SLC9A6: variants seen among roughly 807,000 people sequenced by gnomAD.
SLC9A6 encodes the protein sodium/hydrogen exchanger 6.
SLC9A6 carries 6 observed loss-of-function variants against 45.3 expected under a neutral mutation model. The ratio of observed to expected loss-of-function variants is 0.13; its 90% confidence interval spans 0.07 to 0.26. The LOEUF (loss-of-function observed/expected upper bound fraction) is 0.26. Ranked by LOEUF, SLC9A6 falls within the 10% of genes least tolerant of loss-of-function variation. SLC9A6 has a pLI of 1.00. For synonymous variants in SLC9A6, 191 were observed against 187.7 expected (o/e 1.02, Z -0.14); for missense variants, 278 against 503.7 (o/e 0.55, Z 4.29).
At chrX:136,033,605 C>T in intron 16 of SLC9A6, 112 bp downstream of exon 16, 1 of 401,621 alleles carries the variant, frequency 2.5e-6, no homozygotes, top group East Asian at 5.8e-5. Context: ...TAAAACCTAC[C>T]TTTCATCTTC....
At chrX:136,003,019 G>A (rs1488386714) in intron 7 of SLC9A6, among the ~76,000 whole-genome samples, 7 of 95,139 alleles carry the variant, frequency 7.4e-5, no homozygotes, top group Admixed American at 1.2e-4. Context: ...ACGAAGTCTC[G>A]CTCCTGTCCC....
chrX:136,002,502 T>C (rs1033098464), intron 7 of SLC9A6, among the ~76,000 whole-genome samples: 11 of 112,147 alleles, frequency 9.8e-5, no homozygotes, highest in Non-Finnish European at 2.1e-4. Context: ...TATAATTTTG[T>C]ATTCGGTTTT....
At chrX:136,010,285 G>T in intron 7 of SLC9A6, 157 bp from the exon 8 acceptor site, 1 of 496,007 alleles carries the variant, frequency 2.0e-6, no homozygotes. Context: ...CAGATACATT[G>T]CAGGATTTTT....
At chrX:135,990,019 T>C in intron 2 of SLC9A6, among the ~76,000 whole-genome samples, 1 of 112,066 alleles carries the variant, frequency 8.9e-6, no homozygotes, top group Middle Eastern at 4.6e-3. Flanking sequence ...GGAGTCTCGC[T>C]CTGTCTCCCA....
upstream of SLC9A6, chrX:135,985,416 G>A: frequency 4.6e-6 from 3 of 658,971 alleles, no homozygotes; most frequent in Non-Finnish European, 4.1e-6. Flanking sequence ...GCTACCCCCG[G>A]GCCCCGCCCC....
intron 15 of SLC9A6, among the ~76,000 whole-genome samples, chrX:136,031,392 CCCAT>C (rs1569525559): frequency 8.9e-6 from 1 of 111,831 alleles, no homozygotes; most frequent in Non-Finnish European, 1.9e-5. Context: ...CGTTTTTTTT[CCCAT>C]ACCTTCAAAA....
intron 11 of SLC9A6, among the ~76,000 whole-genome samples, chrX:136,017,679 G>C (rs782256469): frequency 3.6e-5 from 4 of 111,668 alleles, no homozygotes; most frequent in Non-Finnish European, 7.5e-5. Context: ...AGTAGGAGGT[G>C]AGATCATCTG....
chrX:136,030,018 T>G (rs1006949310), intron 14 of SLC9A6, 114 bp from the exon 15 acceptor site: 18 of 742,688 alleles, frequency 2.4e-5, no homozygotes, highest in Non-Finnish European at 3.6e-5. Context: ...CAAGAAAACA[T>G]TAACCATTCC....
intron 16 of SLC9A6, among the ~76,000 whole-genome samples, chrX:136,038,015 T>C (rs1402521056): frequency 8.9e-6 from 1 of 112,209 alleles, no homozygotes; most frequent in Non-Finnish European, 1.9e-5. Context: ...ATCCCTGTAT[T>C]TCTTTTTTGT....
chrX:136,018,745 C>T lies in SLC9A6; in HGVS notation c.1194+1987C>T, dbSNP rs782695259. On this transcript the variant is annotated intron_variant, in intron 11 of 17. Transcript: ENST00000630721. The stretch of plus-strand genomic sequence containing the variant: ...AATTTTTAAAAGAAATATTTTAAAA[C>T]CTCACATCAGAATGAAGATTCTGCC... 2.0e-4 allele frequency among the ~76,000 whole-genome samples: 22 copies of T among 109,801 alleles called. 1 individual carries two copies. In the South Asian group the frequency reaches 5.1e-3, roughly 26 times the overall value.
chrX:135,974,444 G>A (rs1278809882), upstream of SLC9A6, among the ~76,000 whole-genome samples: 2 of 60,822 alleles, frequency 3.3e-5, no homozygotes, highest in Non-Finnish European at 6.2e-5. Context: ...GTGGGACCGA[G>A]GGGGCGCGGA....
intron 6 of SLC9A6, among the ~76,000 whole-genome samples, chrX:136,000,867 C>T (rs1248803069): frequency 9.0e-6 from 1 of 111,084 alleles, no homozygotes; most frequent in African/African-American, 3.3e-5. Flanking sequence ...TGTCTTTAAT[C>T]CCAGTGACTC....
At chrX:136,005,478 C>A (rs928013094) in intron 7 of SLC9A6, among the ~76,000 whole-genome samples, 12 of 111,899 alleles carry the variant, frequency 1.1e-4, no homozygotes, top group African/African-American at 3.9e-4. Context: ...GTCAGGAGTT[C>A]GAGACCAGCC....
intron 11 of SLC9A6, among the ~76,000 whole-genome samples, chrX:136,017,140 C>T (rs1354047589): frequency 1.8e-5 from 2 of 111,281 alleles, no homozygotes; most frequent in East Asian, 5.6e-4. Flanking sequence ...CTTTCTCTTT[C>T]TCTCCCTCCC....
intron 8 of SLC9A6, among the ~76,000 whole-genome samples, chrX:136,012,492 A>G (rs1246071852): frequency 1.8e-5 from 2 of 113,084 alleles, no homozygotes; most frequent in East Asian, 5.5e-4. Flanking sequence ...CAATTTCTTC[A>G]TCATGGAATG....
At chrX:136,022,765 T>TC (rs1603213953) in intron 12 of SLC9A6, 68 bp downstream of exon 12, 3 of 585,911 alleles carry the variant, frequency 5.1e-6, no homozygotes, top group Non-Finnish European at 8.7e-6. Context: ...CAGCTTGATG[T>TC]AACACTGAGA....
chrX:136,009,704 A>G (rs2070882448), intron 7 of SLC9A6, among the ~76,000 whole-genome samples: 1 of 112,074 alleles, frequency 8.9e-6, no homozygotes, highest in Admixed American at 9.5e-5. Flanking sequence ...TTACAAAAGA[A>G]GCTTTTTCAG....
chrX:136,012,516 A>G (rs1316861695), intron 8 of SLC9A6, among the ~76,000 whole-genome samples: 2 of 112,959 alleles, frequency 1.8e-5, no homozygotes, highest in Admixed American at 9.3e-5. Context: ...GCTCTATATC[A>G]TAGAAGTGGT....
intron 2 of SLC9A6, among the ~76,000 whole-genome samples, chrX:135,988,871 T>C (rs1249596844): frequency 9.0e-6 from 1 of 111,135 alleles, no homozygotes; most frequent in Non-Finnish European, 1.9e-5. Flanking sequence ...TCCTTTCACC[T>C]TGGCCTCCCA....
Sources: gnomAD v4.1 joint callset for allele counts (sites outside exome capture counted in the v4.1 genomes callset) on GRCh38, gnomAD v4.1.1 for gene constraint, MANE v1.5 for transcripts, NCBI Gene and HGNC (gene_info 2026-07-23, HGNC 2026-07-21) for gene names.